The following TRPM8 variants were observed in gnomAD, a reference collection of about 807,000 sequenced individuals.
TRPM8 encodes the protein TRPM8 cationic channel.
A neutral mutation model predicts 133.7 loss-of-function variants in TRPM8; 110 were observed. The observed-to-expected ratio is 0.82, with a 90% CI of 0.70 to 0.96. TRPM8 has a LOEUF of 0.96. Among genes scored for constraint, TRPM8 ranks in the 40% least tolerant of loss-of-function variants. The pLI, the probability that TRPM8 is intolerant of heterozygous loss-of-function variation, is 0.00. For missense variants in TRPM8, 1,291 were observed against 1,379.5 expected, an observed-to-expected ratio of 0.94 and a Z score of 1.02; for synonymous variants, 535 against 532.3, an observed-to-expected ratio of 1.01 and a Z score of -0.07.
intron 17 of TRPM8, among the ~76,000 whole-genome samples, chr2:233,971,107 ATTGT>A (rs1691702427): frequency 6.6e-6 from 1 of 152,198 alleles, no homozygotes; most frequent in Admixed American, 6.5e-5. Flanking sequence ...CAGTTTACAA[ATTGT>A]TTGACAACTA....
At chr2:233,953,763 T>C in intron 9 of TRPM8, 154 bp from the exon 10 acceptor site, 2 of 581,986 alleles carry the variant, frequency 3.4e-6, no homozygotes, top group Non-Finnish European at 6.2e-6. Flanking sequence ...ATTCTCACTG[T>C]AGTCAAGGAC....
intron 17 of TRPM8, among the ~76,000 whole-genome samples, chr2:233,979,826 A>C (rs1691961665): frequency 6.6e-6 from 1 of 152,250 alleles, no homozygotes; most frequent in African/African-American, 2.4e-5. Context: ...AATACCCTCT[A>C]GGACTGTGTA....
chr2:233,996,263 T>C, intron 21 of TRPM8, 63 bp from the exon 22 acceptor site: 3 of 1,460,676 alleles, frequency 2.1e-6, no homozygotes, highest in Non-Finnish European at 2.8e-6. Flanking sequence ...ATTACCATAC[T>C]AGGCAGTTTA....
intron 11 of TRPM8, among the ~76,000 whole-genome samples, chr2:233,955,757 G>A (rs17868390): frequency 2.6e-5 from 4 of 152,262 alleles, no homozygotes; most frequent in Non-Finnish European, 4.4e-5. Context: ...ACGTCTTAGA[G>A]CAGGGGTGCC....
intron 7 of TRPM8, 105 bp from the exon 8 acceptor site, chr2:233,946,983 C>A: frequency 1.0e-6 from 1 of 976,560 alleles, no homozygotes; most frequent in Non-Finnish European, 1.6e-6. Flanking sequence ...GCTATCTCTC[C>A]ACACCCTAGG....
In TRPM8 at chr2:233,955,303, T is replaced by G. The variant is rs1691267191; in HGVS notation, c.1362+53T>G. 4 of 1,348,282 alleles carry G rather than the reference T, an allele frequency of 3.0e-6. No homozygotes were observed. In the South Asian group the frequency reaches 4.8e-5, roughly 16 times the overall value. 83.5% of individuals were successfully genotyped at this position (1,348,282 alleles called of 1,614,324 possible). A position where few individuals can be genotyped will look rare whatever the true frequency, so the allele number is the denominator to read the frequency against. On this transcript the variant is annotated intron_variant, in intron 11 of 25. Coordinates refer to ENST00000324695, the MANE Select transcript of TRPM8 (RefSeq NM_024080.5). ...CCAGTGTTGGGTCTGGACAGTGGTC[T>G]GGGCAATGTCTGATCCATTTCCAAC...
chr2:233,940,974 A>G (rs1690891808), intron 5 of TRPM8, among the ~76,000 whole-genome samples: 1 of 152,202 alleles, frequency 6.6e-6, no homozygotes, highest in Non-Finnish European at 1.5e-5. Context: ...ACACCTGTCC[A>G]GAAAATGGCA....
intron 8 of TRPM8, among the ~76,000 whole-genome samples, chr2:233,947,868 A>G (rs1307199980): frequency 1.3e-5 from 2 of 152,144 alleles, no homozygotes; most frequent in East Asian, 3.8e-4. Flanking sequence ...GGTAAATTGT[A>G]TGTCACAGGG....
rs200988173 is a variant in TRPM8, at chr2:233,942,558, C to T, written c.527-18C>T. On this transcript the variant is annotated intron_variant, in intron 5 of 25. Coordinates refer to ENST00000324695, the MANE Select transcript of TRPM8 (RefSeq NM_024080.5). Reference sequence around the variant, plus strand: ...GCCCAGTGCCACTTGACCATTTACTCTTCCTATTTGTTGACAGGTGCTTGG... The same window carrying T: ...GCCCAGTGCCACTTGACCATTTACTTTTCCTATTTGTTGACAGGTGCTTGG... The T allele has an allele frequency of 3.7e-6, 6 of 1,613,930 alleles. No homozygotes were observed. The highest frequency in any genetic ancestry group is 5.1e-6 in the Non-Finnish European group (6 of 1,179,998).
intron 22 of TRPM8, 99 bp downstream of exon 22, chr2:233,996,615 A>G: frequency 4.5e-6 from 5 of 1,110,756 alleles, no homozygotes; most frequent in Non-Finnish European, 6.7e-6. Context: ...TTATTCACAG[A>G]TCTTTCACTG....
At position 234,018,838 on chromosome 2, in the gene TRPM8, C is replaced by A. The variant is rs1693021709; in HGVS notation, c.*1582C>A. The A allele has an allele frequency of 2.4e-5, 2 of 82,614 alleles. No individual in the cohort carries two copies. Among genetic ancestry groups the A allele is most frequent in the African/African-American group, 1.4e-4 (2 of 14,712 alleles). The allele number at this position is 82,614 out of a possible 1,614,324, so 5.1% of individuals were successfully genotyped here. A position where few individuals can be genotyped will look rare whatever the true frequency, so the allele number is the denominator to read the frequency against. On this transcript the variant is annotated 3_prime_UTR_variant, in exon 26 of 26. Coordinates refer to ENST00000324695, the MANE Select transcript of TRPM8 (RefSeq NM_024080.5). ...CCAGCCGGGGTGACAGAGTGAGACT[C>A]CGACTGAAAATAAATAAATAAATAA... is the stretch of plus-strand genomic sequence containing the variant.
intron 20 of TRPM8, among the ~76,000 whole-genome samples, chr2:233,983,671 G>A (rs1394231751): frequency 6.6e-6 from 1 of 152,198 alleles, no homozygotes; most frequent in Non-Finnish European, 1.5e-5. Context: ...TTGGAGGCAG[G>A]CTGATGGTGG....
At chr2:234,006,696 A>T (rs1692701732) in intron 22 of TRPM8, among the ~76,000 whole-genome samples, 157 bp from the exon 23 acceptor site, 1 of 152,222 alleles carries the variant, frequency 6.6e-6, no homozygotes, top group South Asian at 2.1e-4. Context: ...CATCACTCTG[A>T]TGCTGTCACT....
chr2:234,012,508 G>A (rs1349510576), intron 24 of TRPM8, among the ~76,000 whole-genome samples: 5 of 151,216 alleles, frequency 3.3e-5, no homozygotes, highest in Non-Finnish European at 5.9e-5. Flanking sequence ...AGTGTGTGTA[G>A]TCTTTAGGAT....
chr2:233,918,493 A>G (rs1369249847), intron 1 of TRPM8, among the ~76,000 whole-genome samples: 1 of 152,064 alleles, frequency 6.6e-6, no homozygotes, highest in East Asian at 1.9e-4. Flanking sequence ...TTTTCCTCTT[A>G]TTCTAAGAGG....
intron 22 of TRPM8, 42 bp downstream of exon 22, chr2:233,996,558 A>G: frequency 1.9e-6 from 3 of 1,585,668 alleles, no homozygotes; most frequent in Non-Finnish European, 1.7e-6. Context: ...AGAAGCAGCG[A>G]TTAATTTCAG....
In TRPM8 at chr2:233,963,340, A is replaced by G. The variant is rs201451492; in HGVS notation, c.1712A>G (p.Gln571Arg). Reference sequence around the variant, plus strand: ...GCTCTCTTCATCTGGGCCATTCTTCAGAATAAGAAGGAACTCTCCAAAGTC... The same window carrying G: ...GCTCTCTTCATCTGGGCCATTCTTCGGAATAAGAAGGAACTCTCCAAAGTC... ...LQALFIWAILQNKKELSKVIW... is the reference protein window; with the variant it reads ...LQALFIWAILRNKKELSKVIW... Residue 571 changes from glutamine (Q) to arginine (R), a missense_variant, in exon 13 of 26, where the codon CAG becomes CGG. By Grantham distance (43) the Gln-to-Arg change is conservative (BLOSUM62 1). Transcript: ENST00000324695. 26 of 1,613,428 alleles carry G rather than the reference A, an allele frequency of 1.6e-5. 2 individuals are homozygous for G. The South Asian group carries it at 2.8e-4, about 17-fold the overall frequency.
chr2:233,953,643 GAC>G (rs143487123), intron 9 of TRPM8: 8,337 of 227,444 alleles, frequency 0.037, no homozygotes, highest in Middle Eastern at 0.065. Context: ...CAGGCTTTGT[GAC>G]ACACACACAC....
rs17868397 is a variant in TRPM8 at position 233,989,130 on chromosome 2, C to A, written c.2939+3265C>A. On this transcript the variant is annotated intron_variant, in intron 21 of 25. Coordinates refer to ENST00000324695, the MANE Select transcript of TRPM8 (RefSeq NM_024080.5). The surrounding 1 kb of genome is among the most constrained non-coding windows in gnomAD (Gnocchi z 4.2). ...TAAAATATTTAGAGCTTTTTTGAAT[C>A]TATGCACATGAGCTGTCTGAAGGAG... 6.2e-4 allele frequency among the ~76,000 whole-genome samples: 94 copies of A among 152,276 alleles called. 1 individual carries two copies. Among genetic ancestry groups the A allele is most frequent in the South Asian group, 1.9e-3 (9 of 4,826 alleles).
Sources: allele counts gnomAD v4.1 joint callset (sites outside exome capture counted in the v4.1 genomes callset), GRCh38; gene constraint gnomAD v4.1.1; non-coding constraint Gnocchi (gnomAD v3.1); transcripts MANE v1.5; gene names NCBI Gene and HGNC (gene_info 2026-07-23, HGNC 2026-07-21).